Variants in BAZ1A observed in about 807,000 individuals in gnomAD.
The protein encoded by BAZ1A is bromodomain adjacent to zinc finger domain 1A.
BAZ1A carries 50 observed loss-of-function variants against 185.2 expected under a neutral mutation model. The ratio of observed to expected loss-of-function variants is 0.27; its 90% CI spans 0.22 to 0.34. BAZ1A has a LOEUF of 0.34. BAZ1A is among the 10% of genes least tolerant of loss of function. BAZ1A has a pLI of 1.00. For missense variants in BAZ1A, 1,356 were observed against 1,839.9 expected (o/e 0.74, Z 4.81); for synonymous variants, 571 against 615.6 (o/e 0.93, Z 1.07).
chr14:34,798,284 G>A (rs533594673), intron 9 of BAZ1A, among the ~76,000 whole-genome samples: 53 of 152,362 alleles, frequency 3.5e-4, no homozygotes, highest in African/African-American at 1.3e-3. Context: ...CTGAACAAAA[G>A]ACAGCAGAAA....
chr14:34,821,673 T>C (rs1401530250), intron 4 of BAZ1A, among the ~76,000 whole-genome samples: 2 of 152,230 alleles, frequency 1.3e-5, no homozygotes, highest in African/African-American at 4.8e-5. Flanking sequence ...GATTCTTTAA[T>C]CATAGACAAA....
At chr14:34,869,757 C>T (rs988732044) in intron 2 of BAZ1A, among the ~76,000 whole-genome samples, 6 of 152,202 alleles carry the variant, frequency 3.9e-5, no homozygotes, top group African/African-American at 1.2e-4. Flanking sequence ...TCATGCTCTT[C>T]TCACCAAGAG....
intron 21 of BAZ1A, among the ~76,000 whole-genome samples, chr14:34,770,206 T>A (rs1162000093): frequency 6.6e-6 from 1 of 152,198 alleles, no homozygotes; most frequent in East Asian, 1.9e-4. Flanking sequence ...CAGGCTGGAG[T>A]GCAATGGTGC....
intron 21 of BAZ1A, among the ~76,000 whole-genome samples, chr14:34,768,250 C>G: frequency 6.6e-6 from 1 of 152,116 alleles, no homozygotes; most frequent in East Asian, 1.9e-4. Flanking sequence ...TCATACTGTT[C>G]AATGGCCACT....
At chr14:34,758,586 A>G in intron 25 of BAZ1A, 118 bp downstream of exon 25, 2 of 1,063,482 alleles carry the variant, frequency 1.9e-6, no homozygotes, top group Non-Finnish European at 2.7e-6. Context: ...TCAGGAAAAA[A>G]CAACAACAAC....
At chr14:34,763,474 A>G (rs912179924) in intron 23 of BAZ1A, among the ~76,000 whole-genome samples, 2 of 151,946 alleles carry the variant, frequency 1.3e-5, no homozygotes, top group Non-Finnish European at 1.5e-5. Context: ...AAGGAGCACA[A>G]TGACTTCCCT....
At position 34,870,326 on chromosome 14, in the gene BAZ1A, C is replaced by T. The variant is rs77137763; in HGVS notation, c.113+4166G>A. Among the ~76,000 whole-genome samples, 811 of 152,264 alleles carry T rather than the reference C, an allele frequency of 5.3e-3. 6 individuals carry two copies. The highest frequency in any genetic ancestry group is 0.01 in the Middle Eastern group (3 of 294). On this transcript the variant is annotated intron_variant, in intron 2 of 26. Coordinates refer to ENST00000360310, the MANE Select transcript of BAZ1A (RefSeq NM_013448.3). ...CCAAGTATCAGGACAATACGGCAGG[C>T]TTATTCCTTAAAAAGGAGCTAAACA...
chr14:34,851,032 G>C (rs1049971798), intron 3 of BAZ1A, among the ~76,000 whole-genome samples: 3 of 152,058 alleles, frequency 2.0e-5, no homozygotes, highest in African/African-American at 7.2e-5. Context: ...AGAGATGCTT[G>C]TAAAAAGGTC....
Position 34,776,328 on chromosome 14 carries a change from G to A in BAZ1A, c.2424C>T (p.Asp808=). The A allele has an allele frequency of 6.2e-7, 1 of 1,614,114 alleles. No individual in the cohort carries two copies. The highest frequency in any genetic ancestry group is 8.5e-7 in the Non-Finnish European group (1 of 1,180,016). The stretch of plus-strand genomic sequence containing the variant: ...AAATCCAGTATCGTCTATACATGCG[G>A]TCGCGACCCAAGGGAAAGATATTGG... ...ACTNIFPLGR[D]RMYRRYWIFP... is the part of the protein sequence containing the mutation. The change falls in exon 18 of 27, where the codon GAC becomes GAT. Residue 808 remains aspartate (D), a synonymous_variant. Coordinates refer to ENST00000360310, the MANE Select transcript of BAZ1A (RefSeq NM_013448.3).
Position 34,758,778 on chromosome 14 carries a change from A to C in BAZ1A, c.4312T>G (p.Phe1438Val). ...RQGGVHELSA[F>V]EQLVVELVRH... is the part of the protein sequence containing the mutation. ...ACCAATTCTACAACAAGTTGTTCAA[A>C]AGCAGACAATTCATGAACTCCTCCC... The change falls in exon 25 of 27, where the codon TTT becomes GTT. Residue 1438 changes from phenylalanine to valine, a missense_variant. Around this residue, in one of 7 missense-constraint regions of BAZ1A, gnomAD observed 309 missense variants for 355.3 expected, o/e 0.87. Coordinates refer to ENST00000360310, the MANE Select transcript of BAZ1A (RefSeq NM_013448.3). The C allele has an allele frequency of 6.2e-7, 1 of 1,614,208 alleles. No homozygotes were observed. The highest frequency in any genetic ancestry group is 8.5e-7 in the Non-Finnish European group (1 of 1,180,036).
At chr14:34,855,011 G>T (rs1015137179) in intron 3 of BAZ1A, among the ~76,000 whole-genome samples, 1 of 151,938 alleles carries the variant, frequency 6.6e-6, no homozygotes, top group African/African-American at 2.4e-5. Context: ...CCCAGTAGGC[G>T]GAGGTTGCAG....
intron 3 of BAZ1A, among the ~76,000 whole-genome samples, chr14:34,861,827 T>C (rs980050130): frequency 1.3e-5 from 2 of 152,186 alleles, no homozygotes; most frequent in African/African-American, 4.8e-5. Flanking sequence ...TATATACACA[T>C]ACAGACGCAT....
At chr14:34,779,702 T>C (rs1879914341) in intron 17 of BAZ1A, among the ~76,000 whole-genome samples, 1 of 152,206 alleles carries the variant, frequency 6.6e-6, no homozygotes, top group Non-Finnish European at 1.5e-5. Context: ...TAGCAATTTA[T>C]GAAATAATTT....
chr14:34,758,154 G>A (rs1409279488), intron 25 of BAZ1A, among the ~76,000 whole-genome samples: 3 of 150,402 alleles, frequency 2.0e-5, no homozygotes, highest in Non-Finnish European at 3.0e-5. Context: ...CTGGTGGCAT[G>A]TGCCTGTAGT....
intron 2 of BAZ1A, among the ~76,000 whole-genome samples, chr14:34,862,768 G>C (rs1225895439): frequency 1.4e-5 from 2 of 142,422 alleles, no homozygotes; most frequent in African/African-American, 5.2e-5. Context: ...ACTATATGAT[G>C]ATCTCATTTG....
At position 34,802,923 on chromosome 14, in the gene BAZ1A, T is replaced by C; in HGVS notation, c.792A>G (p.Pro264=). ...TAGCAGGACTGAAGATAAATGTGGG[T>C]GGATCATCAGGGAAGAAATAAGAAA... ...QDFSYFFPDD[P]PTFIFSPANR... Residue 264 remains proline, a synonymous_variant, in exon 7 of 27, where the codon CCA becomes CCG. Transcript: ENST00000360310. 1 of 1,613,026 alleles carries C rather than the reference T, an allele frequency of 6.2e-7. No homozygotes were observed. Among genetic ancestry groups the C allele is most frequent in the Non-Finnish European group, 8.5e-7 (1 of 1,178,988 alleles).
chr14:34,855,372 T>A (rs2042660532), intron 3 of BAZ1A, among the ~76,000 whole-genome samples: 1 of 152,146 alleles, frequency 6.6e-6, no homozygotes, highest in Non-Finnish European at 1.5e-5. Context: ...CCATTTTCTG[T>A]ATGTCTCTTT....
intron 4 of BAZ1A, among the ~76,000 whole-genome samples, chr14:34,824,403 C>A (rs946603544): frequency 0.012 from 291 of 24,828 alleles, no homozygotes; most frequent in Non-Finnish European, 0.013. Flanking sequence ...AAAAAAGCAG[C>A]AACTCAAAAA....
chr14:34,856,730 C>T (rs921684996), intron 3 of BAZ1A, among the ~76,000 whole-genome samples: 4 of 151,292 alleles, frequency 2.6e-5, no homozygotes, highest in Non-Finnish European at 5.9e-5. Flanking sequence ...TGGTGGCGGG[C>T]GCCTGTAATC....
Sources: allele counts gnomAD v4.1 joint callset (sites outside exome capture counted in the v4.1 genomes callset), GRCh38; gene constraint gnomAD v4.1.1; regional missense constraint gnomAD v4.1.1; transcripts MANE v1.5; gene names NCBI Gene and HGNC (gene_info 2026-07-23, HGNC 2026-07-21).